Variants in LRRC37A2 observed in about 807,000 individuals in gnomAD.
The protein encoded by LRRC37A2 is leucine-rich repeat-containing protein 37A2.
A neutral mutation model predicts 68.8 loss-of-function variants in LRRC37A2; 9 were observed. The ratio of observed to expected loss-of-function variants is 0.13; its 90% CI spans 0.08 to 0.23. The LOEUF (loss-of-function observed/expected upper bound fraction) is 0.23, where lower values mean the gene tolerates loss of function less well. Among genes scored for constraint, LRRC37A2 ranks in the 10% least tolerant of loss-of-function variants. The pLI is 1.00. For synonymous variants in LRRC37A2, 63 were observed against 367.6 expected, an observed-to-expected ratio of 0.17 and a Z score of 9.48; for missense variants, 168 against 950.4, an observed-to-expected ratio of 0.18 and a Z score of 10.82.
chr17:46,764,269 C>G, the LRRC37A2 span: 4 of 152,674 alleles, frequency 2.6e-5, no homozygotes, highest in African/African-American at 9.6e-5. Context: ...AGGCTGAGAG[C>G]TCACATTAGC....
chr17:46,882,734 C>A, the LRRC37A2 span, among the ~76,000 whole-genome samples: 1 of 152,178 alleles, frequency 6.6e-6, no homozygotes, highest in Non-Finnish European at 1.5e-5. Flanking sequence ...GCAGCAAACA[C>A]GGATTGGTGG....
chr17:46,802,653 A>C, the LRRC37A2 span, among the ~76,000 whole-genome samples: 2 of 152,118 alleles, frequency 1.3e-5, no homozygotes. Flanking sequence ...GTTGATCACT[A>C]GTGGCCAATG....
the LRRC37A2 span, among the ~76,000 whole-genome samples, chr17:46,708,586 G>T: frequency 6.8e-6 from 1 of 147,566 alleles, no homozygotes; most frequent in Admixed American, 6.8e-5. Context: ...CTGCCTCCCA[G>T]GTTTAAGTGA....
chr17:46,991,339 A>G, the LRRC37A2 span, among the ~76,000 whole-genome samples: 3 of 152,196 alleles, frequency 2.0e-5, no homozygotes, highest in East Asian at 1.9e-4. Context: ...AAAAAGAAAC[A>G]GTATAGGCCA....
the LRRC37A2 span, among the ~76,000 whole-genome samples, chr17:46,392,431 CTCTTTCTT>C: frequency 6.1e-3 from 181 of 29,688 alleles, 46 homozygotes; most frequent in African/African-American, 0.013. Context: ...CTTTCTTTCT[CTCTTTCTT>C]TCTTTCTTTC....
chr17:46,829,528 T>G, the LRRC37A2 span, among the ~76,000 whole-genome samples: 1 of 152,174 alleles, frequency 6.6e-6, no homozygotes, highest in Admixed American at 6.5e-5. Flanking sequence ...CAGTCTCCCC[T>G]CTGCCCTTCA....
At chr17:46,610,027 T>TTCTTTCTCTCTCTC in the LRRC37A2 span, among the ~76,000 whole-genome samples, 1 of 109,470 alleles carries the variant, frequency 9.1e-6, no homozygotes, top group African/African-American at 3.3e-5. Flanking sequence ...CTTTCTTTCT[T>TTCTTTCTCTCTCTC]TCTCTCTCTC....
chr17:46,838,111 G>T, the LRRC37A2 span, among the ~76,000 whole-genome samples: 2 of 152,244 alleles, frequency 1.3e-5, no homozygotes, highest in Middle Eastern at 6.8e-3. Flanking sequence ...TCTCCCAGAA[G>T]TCATGGGAGG....
At chr17:46,678,368 TAACTC>T in the LRRC37A2 span, among the ~76,000 whole-genome samples, 7 of 95,820 alleles carry the variant, frequency 7.3e-5, no homozygotes, top group Non-Finnish European at 1.2e-4. Flanking sequence ...TAAGTAAAAT[TAACTC>T]AAGTGAATGA....
chr17:46,885,253 G>T, the LRRC37A2 span: 1 of 292,514 alleles, frequency 3.4e-6, no homozygotes, highest in African/African-American at 2.3e-5. Flanking sequence ...TGATCCACCC[G>T]CCTCGGCCTC....
At chr17:46,760,656 A>G in the LRRC37A2 span, among the ~76,000 whole-genome samples, 4 of 146,774 alleles carry the variant, frequency 2.7e-5, no homozygotes, top group African/African-American at 8.1e-5. Flanking sequence ...AAAAAGAAAA[A>G]AAAAGGAAAA....
chr17:46,794,403 G>C, the LRRC37A2 span, among the ~76,000 whole-genome samples: 23 of 152,144 alleles, frequency 1.5e-4, no homozygotes, highest in African/African-American at 5.6e-4. Flanking sequence ...CCCCCGACAG[G>C]ACCTGTCAGA....
chr17:46,799,341 A>G, the LRRC37A2 span, among the ~76,000 whole-genome samples: 1 of 152,194 alleles, frequency 6.6e-6, no homozygotes, highest in Non-Finnish European at 1.5e-5. Context: ...TTTCTGCTCT[A>G]AAGAAGCCTG....
At chr17:47,019,264 C>T in the LRRC37A2 span, 1 of 1,582,370 alleles carries the variant, frequency 6.3e-7, no homozygotes, top group Non-Finnish European at 8.6e-7. Context: ...ACTACAGCTC[C>T]TCCTCCAGGA....
At chr17:46,877,545 G>A in the LRRC37A2 span, among the ~76,000 whole-genome samples, 3 of 152,156 alleles carry the variant, frequency 2.0e-5, no homozygotes, top group South Asian at 2.1e-4. Flanking sequence ...GGGAGACAAC[G>A]GCCCCTCCCT....
At chr17:46,841,803 C>T in the LRRC37A2 span, among the ~76,000 whole-genome samples, 1 of 152,362 alleles carries the variant, frequency 6.6e-6, no homozygotes, top group South Asian at 2.1e-4. Context: ...AGACCTTGAG[C>T]AACCACGTCC....
chr17:47,001,359 G>C, the LRRC37A2 span, among the ~76,000 whole-genome samples: 1 of 151,252 alleles, frequency 6.6e-6, no homozygotes, highest in Non-Finnish European at 1.5e-5. Flanking sequence ...TGAAAAAGCG[G>C]AAGTGAGAGA....
chr17:46,975,950 G>A, the LRRC37A2 span, among the ~76,000 whole-genome samples: 1 of 151,958 alleles, frequency 6.6e-6, no homozygotes, highest in African/African-American at 2.4e-5. Context: ...TTTTGGAGAC[G>A]GAGTCTAGCA....
the LRRC37A2 span, among the ~76,000 whole-genome samples, chr17:46,822,039 G>A: frequency 2.0e-5 from 3 of 151,464 alleles, no homozygotes; most frequent in East Asian, 1.9e-4. Context: ...GGACCAACCT[G>A]GGGGGGTAAA....
Sources: allele counts gnomAD v4.1 joint callset (sites outside exome capture counted in the v4.1 genomes callset), GRCh38; gene constraint gnomAD v4.1.1; transcripts MANE v1.5; gene names NCBI Gene and HGNC (gene_info 2026-07-23, HGNC 2026-07-21).